RAD51B: variants seen among roughly 807,000 people sequenced by gnomAD.
RAD51B encodes the protein RAD51 paralog B, also known as DNA repair protein RAD51 homolog 2.
RAD51B carries 38 observed loss-of-function variants against 42.2 expected under a neutral mutation model. The ratio of observed to expected loss-of-function variants is 0.90; its 90% CI spans 0.70 to 1.18. The LOEUF is 1.18. Ranked by LOEUF, RAD51B falls within the 50% of genes most tolerant of loss-of-function variation. The pLI is 0.00. For synonymous variants in RAD51B, 154 were observed against 145.2 expected, an observed-to-expected ratio of 1.06 and a Z score of -0.43; for missense variants, 373 against 400.7, an observed-to-expected ratio of 0.93 and a Z score of 0.59.
chr14:67,851,330 T>G (rs1210975559), intron 4 of RAD51B, among the ~76,000 whole-genome samples: 5 of 151,758 alleles, frequency 3.3e-5, no homozygotes, highest in African/African-American at 1.2e-4. Context: ...GATATCTGGG[T>G]GAGGGGCTAA....
intron 10 of RAD51B, among the ~76,000 whole-genome samples, chr14:68,571,726 T>C (rs1217311710): frequency 2.0e-5 from 3 of 152,234 alleles, no homozygotes; most frequent in Non-Finnish European, 4.4e-5. Context: ...GGGCCGTTAT[T>C]CTCCCTACCA....
intron 8 of RAD51B, among the ~76,000 whole-genome samples, chr14:68,356,734 C>G (rs966803253): frequency 6.6e-6 from 1 of 151,960 alleles, no homozygotes; most frequent in African/African-American, 2.4e-5. Context: ...GTAATCCCAG[C>G]ACTTTGGGAG....
At chr14:68,650,630 A>G in intron 10 of RAD51B, 2 of 594,406 alleles carry the variant, frequency 3.4e-6, no homozygotes, top group East Asian at 2.8e-5. Flanking sequence ...ACAGAGGCCC[A>G]TACTGTTGTG....
At chr14:68,030,444 T>C (rs1353971705) in intron 7 of RAD51B, among the ~76,000 whole-genome samples, 2 of 152,222 alleles carry the variant, frequency 1.3e-5, no homozygotes, top group African/African-American at 4.8e-5. Context: ...TAATATGTTA[T>C]GGAATGGAAC....
At chr14:68,619,303 T>C (rs1050528412) in intron 10 of RAD51B, among the ~76,000 whole-genome samples, 2 of 147,510 alleles carry the variant, frequency 1.4e-5, no homozygotes, top group Non-Finnish European at 3.0e-5. Flanking sequence ...TGAAACCCCA[T>C]CTCTACTAAA....
chr14:67,868,304 G>A (rs1009712768), intron 5 of RAD51B, among the ~76,000 whole-genome samples: 3 of 151,864 alleles, frequency 2.0e-5, no homozygotes, highest in Admixed American at 6.6e-5. Flanking sequence ...TTCCCTTTCC[G>A]AGTCAAAGAA....
chr14:68,354,604 C>T (rs1010861375), intron 8 of RAD51B, among the ~76,000 whole-genome samples: 2 of 152,080 alleles, frequency 1.3e-5, no homozygotes, highest in Non-Finnish European at 2.9e-5. Flanking sequence ...TGTGGTGGCT[C>T]ACACCTGTAA....
At chr14:67,912,705 T>C (rs1349814639) in intron 7 of RAD51B, among the ~76,000 whole-genome samples, 2 of 151,608 alleles carry the variant, frequency 1.3e-5, no homozygotes, top group African/African-American at 4.8e-5. Flanking sequence ...CCTACTTCTC[T>C]AAGTTTTTTT....
rs555565844 is a variant in RAD51B at position 68,658,181 on chromosome 14, G to GAGCT, written c.*11+7326_*11+7329dup. On this transcript the variant is annotated intron_variant, in intron 11 of 11. Transcript: ENST00000488612. Reference sequence around the variant, plus strand: ...GTTGGCAGGTGAGATGGGGTGGGGAGAGCTCCCCAGCTGCTCTCTGAGGAC... The same window carrying GAGCT: ...GTTGGCAGGTGAGATGGGGTGGGGAGAGCTAGCTCCCCAGCTGCTCTCTGAGGAC... Among the ~76,000 whole-genome samples, 4 of 152,352 alleles carry GAGCT rather than the reference G, an allele frequency of 2.6e-5. No individual in the cohort carries two copies. In the South Asian group the frequency reaches 8.3e-4, roughly 32 times the overall value.
At chr14:68,591,386 A>G (rs956697759) in intron 10 of RAD51B, among the ~76,000 whole-genome samples, 1 of 152,258 alleles carries the variant, frequency 6.6e-6, no homozygotes, top group African/African-American at 2.4e-5. Context: ...TCACAGATTC[A>G]TGAATAAAGA....
chr14:68,278,226 A>C (rs1458825391), intron 7 of RAD51B, among the ~76,000 whole-genome samples: 1 of 152,250 alleles, frequency 6.6e-6, no homozygotes, highest in Non-Finnish European at 1.5e-5. Context: ...TACTATTTCC[A>C]GTACTACCAA....
chr14:67,992,961 G>A (rs2075320501), intron 7 of RAD51B, among the ~76,000 whole-genome samples: 1 of 152,060 alleles, frequency 6.6e-6, no homozygotes, highest in Non-Finnish European at 1.5e-5. Flanking sequence ...TACCTGGTAA[G>A]TGCTGGTCGC....
chr14:68,524,013 G>C (rs1343250643), intron 10 of RAD51B, among the ~76,000 whole-genome samples: 2 of 152,146 alleles, frequency 1.3e-5, no homozygotes, highest in African/African-American at 4.8e-5. Flanking sequence ...TTAATCTTTT[G>C]ATAATAATAA....
chr14:68,351,369 T>C (rs2082784053), intron 8 of RAD51B, among the ~76,000 whole-genome samples: 1 of 152,222 alleles, frequency 6.6e-6, no homozygotes, highest in Non-Finnish European at 1.5e-5. Flanking sequence ...ATAATTCCTC[T>C]CTCTCTCTTT....
At chr14:68,276,575 A>G (rs1215419451) in intron 7 of RAD51B, among the ~76,000 whole-genome samples, 1 of 152,188 alleles carries the variant, frequency 6.6e-6, no homozygotes, top group Non-Finnish European at 1.5e-5. Flanking sequence ...TCCAGTATCT[A>G]CAGGGGAGTC....
chr14:68,091,841 G>T (rs1271702548), intron 7 of RAD51B, among the ~76,000 whole-genome samples: 3 of 151,994 alleles, frequency 2.0e-5, no homozygotes, highest in East Asian at 1.9e-4. Flanking sequence ...GGTCTAACAT[G>T]TAAGTCTTTA....
At chr14:68,607,966 A>G (rs1256606884) in intron 10 of RAD51B, among the ~76,000 whole-genome samples, 2 of 152,208 alleles carry the variant, frequency 1.3e-5, no homozygotes, top group Non-Finnish European at 2.9e-5. Flanking sequence ...GAATCAAGAA[A>G]AGAAGGTTCT....
At chr14:68,133,879 A>G (rs547376588) in intron 7 of RAD51B, among the ~76,000 whole-genome samples, 6 of 152,292 alleles carry the variant, frequency 3.9e-5, no homozygotes, top group African/African-American at 1.4e-4. Flanking sequence ...GCGAGGTCAT[A>G]TATATCCTTC....
intron 7 of RAD51B, among the ~76,000 whole-genome samples, chr14:68,013,469 C>T (rs2075721892): frequency 6.6e-6 from 1 of 152,014 alleles, no homozygotes; most frequent in South Asian, 2.1e-4. Context: ...ACGGCTGAAG[C>T]CATTTTTGGA....
Sources: gnomAD v4.1 joint callset for allele counts (sites outside exome capture counted in the v4.1 genomes callset) on GRCh38, gnomAD v4.1.1 for gene constraint, MANE v1.5 for transcripts, NCBI Gene and HGNC (gene_info 2026-07-23, HGNC 2026-07-21) for gene names.